Variants in RGS20 observed in about 807,000 individuals in gnomAD.
RGS20 encodes the protein regulator of G protein signaling 20.
Under a neutral mutation model 33.6 loss-of-function variants are expected in RGS20, and 30 were observed. The ratio of observed to expected loss-of-function variants is 0.89; its 90% confidence interval spans 0.67 to 1.21. The LOEUF is 1.21. RGS20 is among the 50% of genes most tolerant of loss of function. The pLI, the probability that RGS20 is intolerant of heterozygous loss-of-function variation, is 0.00. For synonymous variants in RGS20, 208 were observed against 197.9 expected, an observed-to-expected ratio of 1.05 and a Z score of -0.43; for missense variants, 472 against 502.4, an observed-to-expected ratio of 0.94 and a Z score of 0.58.
chr8:53,887,564 G>A (rs751367713), intron 2 of RGS20, among the ~76,000 whole-genome samples: 5 of 152,228 alleles, frequency 3.3e-5, no homozygotes, highest in Non-Finnish European at 7.3e-5. Context: ...AGGAGAGGGT[G>A]CTGGCCAGAG....
At chr8:53,892,789 A>T (rs977052270) in intron 2 of RGS20, among the ~76,000 whole-genome samples, 3 of 152,190 alleles carry the variant, frequency 2.0e-5, no homozygotes, top group Non-Finnish European at 4.4e-5. Context: ...TTTGATTTTA[A>T]ACATTTATAT....
chr8:53,868,636 G>A (rs1316159680), intron 1 of RGS20, among the ~76,000 whole-genome samples: 2 of 151,672 alleles, frequency 1.3e-5, no homozygotes, highest in Admixed American at 6.6e-5. Context: ...TATTCTCTAG[G>A]AATAGCTTCA....
intron 1 of RGS20, among the ~76,000 whole-genome samples, chr8:53,870,250 C>T (rs148896947): frequency 1.3e-5 from 2 of 152,258 alleles, no homozygotes; most frequent in Non-Finnish European, 2.9e-5. Context: ...TATGTATACA[C>T]AGATATGTGT....
At chr8:53,882,346 A>C (rs1812412891) in intron 2 of RGS20, among the ~76,000 whole-genome samples, 1 of 152,062 alleles carries the variant, frequency 6.6e-6, no homozygotes, top group Non-Finnish European at 1.5e-5. Flanking sequence ...AGCTTCCCGG[A>C]CTTGACAGCA....
chr8:53,884,408 C>T (rs1477512366), intron 2 of RGS20, among the ~76,000 whole-genome samples: 1 of 151,936 alleles, frequency 6.6e-6, no homozygotes, highest in Non-Finnish European at 1.5e-5. Context: ...GTTGCCAGGG[C>T]TGATGAACAG....
intron 2 of RGS20, among the ~76,000 whole-genome samples, chr8:53,890,931 C>A (rs971449256): frequency 1.2e-4 from 19 of 152,182 alleles, no homozygotes; most frequent in African/African-American, 4.6e-4. Flanking sequence ...AGAATGAAAG[C>A]CTGATGGACT....
intron 4 of RGS20, among the ~76,000 whole-genome samples, chr8:53,951,782 C>T (rs1339789594): frequency 6.6e-6 from 1 of 151,862 alleles, no homozygotes; most frequent in African/African-American, 2.4e-5. Flanking sequence ...TTTGGGAGGC[C>T]GAGGCAGGCG....
In RGS20 at chr8:53,939,704, C is replaced by CTGCTGTTGT. The variant is rs1403506236; in HGVS notation, c.640_648dup (p.Cys214_Cys216dup). 6.4e-7 allele frequency: 1 copy of CTGCTGTTGT among 1,561,838 alleles called. No individual in the cohort carries two copies. The highest frequency in any genetic ancestry group is 8.7e-7 in the Non-Finnish European group (1 of 1,152,524). ...CCAACGCATGCTGCTTCTGCTGGTGCTGCTGTTGTAGCTGCTCGTGGTAAG... is the reference window on the plus strand; with the variant it reads ...CCAACGCATGCTGCTTCTGCTGGTGCTGCTGTTGTTGCTGTTGTAGCTGCTCGTGGTAAG... On this transcript the variant is annotated inframe_insertion, in exon 3 of 6. Coordinates refer to ENST00000297313, the MANE Select transcript of RGS20 (RefSeq NM_170587.4).
At chr8:53,872,926 T>C (rs1050497535) in intron 1 of RGS20, among the ~76,000 whole-genome samples, 7 of 152,160 alleles carry the variant, frequency 4.6e-5, no homozygotes, top group Admixed American at 3.9e-4. Context: ...TCCAGAACTC[T>C]TTTATCTTCC....
At chr8:53,950,260 G>C (rs1814671503) in intron 4 of RGS20, among the ~76,000 whole-genome samples, 1 of 152,126 alleles carries the variant, frequency 6.6e-6, no homozygotes. Context: ...TAGAAGATTA[G>C]ATACAACTAA....
chr8:53,858,476 GCATATATATATACATATATAT>G (rs930051014), intron 1 of RGS20, among the ~76,000 whole-genome samples: 28 of 151,532 alleles, frequency 1.8e-4, no homozygotes, highest in African/African-American at 6.6e-4. Context: ...AGAAATGGAT[GCATATATATATACATATATAT>G]ATATACACAC....
At position 53,954,281 on chromosome 8, in the gene RGS20, G is replaced by A. The variant is rs762740935; in HGVS notation, c.949G>A (p.Asp317Asn). ...AGAGAAAGCAAGGATAATCTATGAA[G>A]ACTACATTTCTATACTTTCTCCTAA... is the stretch of plus-strand genomic sequence containing the variant. Residue 317 changes from aspartate to asparagine, a missense_variant, in exon 5 of 6, where the codon GAC (aspartate) becomes AAC (asparagine). Physicochemically the swap from Asp to Asn is conservative, Grantham distance 23 (BLOSUM62 1). Around this residue, in one of 3 missense-constraint regions of RGS20, gnomAD observed 125 missense variants for 169.5 expected, o/e 0.74. Coordinates refer to ENST00000297313, the MANE Select transcript of RGS20 (RefSeq NM_170587.4). 3 of 1,611,068 alleles carry A rather than the reference G, an allele frequency of 1.9e-6. No homozygotes were observed. In the South Asian group the frequency reaches 3.3e-5, roughly 18 times the overall value.
chr8:53,859,090 A>C (rs1811749561), intron 1 of RGS20, among the ~76,000 whole-genome samples: 3 of 152,214 alleles, frequency 2.0e-5, no homozygotes, highest in Non-Finnish European at 4.4e-5. Flanking sequence ...ATGAGGGTTC[A>C]TGAAGATAGT....
chr8:53,947,932 CTA>C (rs534648274), intron 4 of RGS20, among the ~76,000 whole-genome samples: 16 of 132,566 alleles, frequency 1.2e-4, no homozygotes, highest in African/African-American at 1.9e-4. Context: ...TTTACATATG[CTA>C]TATATATAAG....
At chr8:53,930,104 G>A (rs867863483) in intron 2 of RGS20, among the ~76,000 whole-genome samples, 1 of 152,030 alleles carries the variant, frequency 6.6e-6, no homozygotes, top group Non-Finnish European at 1.5e-5. Context: ...ATAAGACCAG[G>A]GTAAGAACAG....
At chr8:53,857,662 CTGAAACTTT>C (rs1811708577) in intron 1 of RGS20, among the ~76,000 whole-genome samples, 1 of 152,258 alleles carries the variant, frequency 6.6e-6, no homozygotes, top group East Asian at 1.9e-4. Context: ...GCTCCAAAAT[CTGAAACTTT>C]TTAAGTGCAG....
chr8:53,911,851 G>A (rs1333024625), intron 2 of RGS20, among the ~76,000 whole-genome samples: 2 of 152,198 alleles, frequency 1.3e-5, no homozygotes, highest in Non-Finnish European at 2.9e-5. Context: ...TGAGGCATGA[G>A]AATCGCTTGA....
At position 53,879,411 on chromosome 8, in the gene RGS20, C is replaced by T. The variant is rs1812288459; in HGVS notation, c.319C>T (p.Leu107=). 6.2e-7 allele frequency: 1 copy of T among 1,609,558 alleles called. No homozygotes were observed. The highest frequency in any genetic ancestry group is 8.5e-7 in the Non-Finnish European group (1 of 1,178,780). Reference sequence around the variant, plus strand: ...CCGGAGGCGCCTGGACTTCTCCCCCCTGCTTCCCGCCCTGCCGGCCGCCCG... The same window carrying T: ...CCGGAGGCGCCTGGACTTCTCCCCCTTGCTTCCCGCCCTGCCGGCCGCCCG... Residue 107 remains leucine (L), a synonymous_variant, in exon 2 of 6, where the codon CTG becomes TTG. Coordinates refer to ENST00000297313, the MANE Select transcript of RGS20 (RefSeq NM_170587.4).
chr8:53,911,158 G>A (rs959394372), intron 2 of RGS20, among the ~76,000 whole-genome samples: 1 of 152,166 alleles, frequency 6.6e-6, no homozygotes, highest in African/African-American at 2.4e-5. Flanking sequence ...ATAAAAATTT[G>A]TACTTTTAAA....
Sources: allele counts gnomAD v4.1 joint callset (sites outside exome capture counted in the v4.1 genomes callset), GRCh38; gene constraint gnomAD v4.1.1; regional missense constraint gnomAD v4.1.1; transcripts MANE v1.5; gene names NCBI Gene and HGNC (gene_info 2026-07-23, HGNC 2026-07-21).